SLC35F4: variants seen among roughly 807,000 people sequenced by gnomAD.
The protein encoded by SLC35F4 is solute carrier family 35 member F4.
A neutral mutation model predicts 44.2 loss-of-function variants in SLC35F4; 24 were observed. That is an observed-to-expected ratio of 0.54 (90% confidence interval 0.39 to 0.76). The LOEUF is 0.76. Ranked by LOEUF, SLC35F4 falls within the 30% of genes least tolerant of loss-of-function variation. The pLI is 0.00. For synonymous variants in SLC35F4, 238 were observed against 223.6 expected, an observed-to-expected ratio of 1.06 and a Z score of -0.57; for missense variants, 562 against 586.1, an observed-to-expected ratio of 0.96 and a Z score of 0.42.
At chr14:57,762,242 G>A (rs4901813) in intron 1 of SLC35F4, among the ~76,000 whole-genome samples, 1 of 152,226 alleles carries the variant, frequency 6.6e-6, no homozygotes, top group Admixed American at 6.5e-5. Context: ...CCTGACTAAA[G>A]AGAATAGGTT....
chr14:57,718,713 G>C (rs935841924), intron 1 of SLC35F4, among the ~76,000 whole-genome samples: 2 of 152,052 alleles, frequency 1.3e-5, no homozygotes, highest in Non-Finnish European at 2.9e-5. Context: ...CTATAGAGTT[G>C]TTTGAGCTCC....
chr14:57,863,608 G>A (rs1350573614), intron 1 of SLC35F4, among the ~76,000 whole-genome samples: 1 of 152,160 alleles, frequency 6.6e-6, no homozygotes, highest in Non-Finnish European at 1.5e-5. Context: ...TGACCATATT[G>A]TACTGGTTTG....
intron 1 of SLC35F4, among the ~76,000 whole-genome samples, chr14:57,608,476 C>T (rs184809227): frequency 1.5e-4 from 23 of 152,150 alleles, no homozygotes; most frequent in African/African-American, 5.1e-4. Flanking sequence ...CAAAAAATCA[C>T]TAGAAGCTAT....
At chr14:57,649,225 G>T (rs74729470) in intron 1 of SLC35F4, among the ~76,000 whole-genome samples, 24,391 of 152,028 alleles carry the variant, frequency 0.16, 2,243 homozygotes, top group Middle Eastern at 0.27. Flanking sequence ...TTCCTCTTGC[G>T]GCTGTAACAA....
At position 57,593,956 on chromosome 14, in the gene SLC35F4, T is replaced by A; in HGVS notation, c.272A>T (p.Glu91Val). The change falls in exon 2 of 8, where the codon GAG becomes GTG. Residue 91 changes from glutamate (E) to valine (V), a missense_variant. By Grantham distance (121) the Glu-to-Val change is moderately radical. Coordinates refer to ENST00000556826, the MANE Select transcript of SLC35F4 (RefSeq NM_001306087.2). Reference protein sequence around the residue: ...GSSGVCGHRVERQNRSADDGT... With the variant: ...GSSGVCGHRVVRQNRSADDGT... The stretch of plus-strand genomic sequence containing the variant: ...CCACATACCTGATCTGTTCTGTCTC[T>A]CAACTCTGTGTCCACAAACTCCTGA... 2.5e-6 allele frequency: 4 copies of A among 1,613,892 alleles called. No individual in the cohort carries two copies. Among genetic ancestry groups the A allele is most frequent in the Non-Finnish European group, 3.4e-6 (4 of 1,179,858 alleles).
At chr14:57,830,467 A>G (rs1007272746) in intron 1 of SLC35F4, among the ~76,000 whole-genome samples, 1 of 152,216 alleles carries the variant, frequency 6.6e-6, no homozygotes, top group African/African-American at 2.4e-5. Flanking sequence ...TGCCCCAAAT[A>G]TGAAGTTACA....
intron 1 of SLC35F4, among the ~76,000 whole-genome samples, chr14:57,878,619 T>C (rs1249304257): frequency 6.6e-6 from 1 of 152,192 alleles, no homozygotes. Flanking sequence ...GCCCCCTGCC[T>C]TGTCTGGGAC....
intron 1 of SLC35F4, among the ~76,000 whole-genome samples, chr14:57,970,423 C>G (rs565740710): frequency 2.6e-5 from 4 of 152,274 alleles, no homozygotes; most frequent in Non-Finnish European, 5.9e-5. Context: ...AGGGTGTGCT[C>G]TCTGCCCTGT....
chr14:57,923,746 A>G (rs1889488730), intron 1 of SLC35F4, among the ~76,000 whole-genome samples: 1 of 152,240 alleles, frequency 6.6e-6, no homozygotes, highest in Admixed American at 6.5e-5. Context: ...GAGGAGAAGA[A>G]TTGAGCTACC....
intron 1 of SLC35F4, among the ~76,000 whole-genome samples, chr14:57,908,438 A>G (rs574850761): frequency 6.6e-6 from 1 of 152,318 alleles, no homozygotes; most frequent in South Asian, 2.1e-4. Context: ...ATTTCTCCAC[A>G]GCCTTGCCAG....
chr14:57,855,422 A>T (rs1886989960), intron 1 of SLC35F4, among the ~76,000 whole-genome samples: 1 of 152,264 alleles, frequency 6.6e-6, no homozygotes. Flanking sequence ...TATGCAGCCA[A>T]GAAACATATG....
chr14:57,697,135 G>C (rs891130346), intron 1 of SLC35F4, among the ~76,000 whole-genome samples: 2 of 152,028 alleles, frequency 1.3e-5, no homozygotes, highest in African/African-American at 4.8e-5. Context: ...GCAGGTTTTA[G>C]ATTCATCCTA....
intron 1 of SLC35F4, among the ~76,000 whole-genome samples, chr14:57,857,970 C>T (rs1371168163): frequency 6.6e-6 from 1 of 151,996 alleles, no homozygotes; most frequent in East Asian, 1.9e-4. Context: ...CAAATCAAAA[C>T]CACAGTGAGA....
chr14:57,800,065 C>T (rs150364399), intron 1 of SLC35F4, among the ~76,000 whole-genome samples: 58 of 152,326 alleles, frequency 3.8e-4, no homozygotes, highest in Non-Finnish European at 6.0e-4. Context: ...CTGGGGAGGC[C>T]TCCCAACAGG....
intron 1 of SLC35F4, among the ~76,000 whole-genome samples, chr14:57,741,192 T>A (rs1045195081): frequency 6.6e-6 from 1 of 152,220 alleles, no homozygotes; most frequent in Non-Finnish European, 1.5e-5. Context: ...TCCAAAGGAA[T>A]GCAGCTCCTC....
chr14:57,655,006 C>T (rs747215861), intron 1 of SLC35F4, among the ~76,000 whole-genome samples: 1 of 152,216 alleles, frequency 6.6e-6, no homozygotes, highest in Non-Finnish European at 1.5e-5. Flanking sequence ...TCCAGGGTGG[C>T]GTGACTCCTC....
At chr14:57,596,886 T>C (rs766736133) in intron 1 of SLC35F4, 1 of 1,367,300 alleles carries the variant, frequency 7.3e-7, no homozygotes, top group East Asian at 4.6e-5. Context: ...GATCCAAGAG[T>C]AGTTCATCCA....
intron 1 of SLC35F4, among the ~76,000 whole-genome samples, chr14:57,629,578 G>A (rs568844734): frequency 1.3e-5 from 2 of 152,242 alleles, no homozygotes; most frequent in East Asian, 1.9e-4. Flanking sequence ...GATGAAGGAT[G>A]ATTTAGTTGT....
At chr14:57,697,182 T>C (rs76344157) in intron 1 of SLC35F4, among the ~76,000 whole-genome samples, 3,483 of 152,254 alleles carry the variant, frequency 0.023, 141 homozygotes, top group African/African-American at 0.078. Flanking sequence ...TTTCATTCCA[T>C]GCAAAATATT....
Sources: allele counts gnomAD v4.1 joint callset (sites outside exome capture counted in the v4.1 genomes callset), GRCh38; gene constraint gnomAD v4.1.1; transcripts MANE v1.5; gene names NCBI Gene and HGNC (gene_info 2026-07-23, HGNC 2026-07-21).